TBC1D22B: variants seen among roughly 807,000 people sequenced by gnomAD.
TBC1D22B encodes the protein chromosome 6 open reading frame 197.
TBC1D22B carries 32 observed loss-of-function variants against 69.1 expected under a neutral mutation model. The observed-to-expected ratio is 0.46, with a 90% confidence interval of 0.35 to 0.62. TBC1D22B has a LOEUF of 0.62. TBC1D22B is among the 20% of genes least tolerant of loss of function. The pLI is 0.00. For missense variants in TBC1D22B, 462 were observed against 630.9 expected (o/e 0.73, Z 2.87); for synonymous variants, 206 against 229.8 (o/e 0.90, Z 0.94).
chr6:37,274,631 G>A (rs1766604715), intron 2 of TBC1D22B, among the ~76,000 whole-genome samples: 1 of 152,212 alleles, frequency 6.6e-6, no homozygotes, highest in African/African-American at 2.4e-5. Flanking sequence ...GATTTGTGAG[G>A]ATTGCATGAG....
rs955364348 is a variant in TBC1D22B at position 37,282,316 on chromosome 6, C to T, written c.553C>T (p.Arg185Cys). 6.2e-6 allele frequency: 10 copies of T among 1,613,314 alleles called. No individual in the cohort carries two copies. The highest frequency in any genetic ancestry group is 2.2e-5 in the East Asian group (1 of 44,876). The change falls in exon 4 of 13, where the codon CGC becomes TGC. Residue 185 changes from arginine (R) to cysteine (C), a missense_variant. This residue lies in a region of TBC1D22B where 237 missense variants were observed against 255.4 expected (regional missense o/e 0.93). Coordinates refer to ENST00000373491, the MANE Select transcript of TBC1D22B (RefSeq NM_017772.4). ...CCCAATGACTGTCCGGGAGAAAACC[C>T]GCCTAGAAAAATTCCGTCAACTTCT... ...APPMTVREKT[R>C]LEKFRQLLSS...
chr6:37,272,757 A>G (rs926673588), intron 2 of TBC1D22B, among the ~76,000 whole-genome samples: 7 of 152,174 alleles, frequency 4.6e-5, no homozygotes, highest in African/African-American at 1.4e-4. Context: ...AATGAATTCT[A>G]CTATTCTTTG....
chr6:37,329,136 A>C (rs768501491), intron 12 of TBC1D22B, among the ~76,000 whole-genome samples: 2 of 152,238 alleles, frequency 1.3e-5, no homozygotes, highest in Non-Finnish European at 2.9e-5. Context: ...TCCCTCCCAA[A>C]GGGTAACCAC....
intron 3 of TBC1D22B, among the ~76,000 whole-genome samples, chr6:37,281,507 C>T (rs752306100): frequency 5.3e-5 from 8 of 152,196 alleles, no homozygotes; most frequent in African/African-American, 9.7e-5. Flanking sequence ...ACAAAGGAAC[C>T]GCAGCCACCA....
intron 8 of TBC1D22B, among the ~76,000 whole-genome samples, chr6:37,312,571 C>G (rs1169861683): frequency 6.6e-6 from 1 of 152,174 alleles, no homozygotes; most frequent in Non-Finnish European, 1.5e-5. Context: ...TCCAGGCCAT[C>G]TTCAGGGATC....
Position 37,316,734 on chromosome 6 carries a change from G to A in TBC1D22B, c.1197G>A (p.Glu399=), listed in dbSNP as rs1304698056. 1.9e-6 allele frequency: 3 copies of A among 1,614,076 alleles called. No individual in the cohort carries two copies. Among genetic ancestry groups the A allele is most frequent in the African/African-American group, 2.7e-5 (2 of 74,928 alleles). The change falls in exon 11 of 13, where the codon GAG becomes GAA. Residue 399 remains glutamate, a synonymous_variant. Transcript: ENST00000373491. ...TACATAATCACTTCAGGAGGTACGAGGTAGAATACCTGCAGTTTGCCTTCC... is the reference window on the plus strand; with the variant it reads ...TACATAATCACTTCAGGAGGTACGAAGTAGAATACCTGCAGTTTGCCTTCC... ...EQVHNHFRRY[E]VEYLQFAFRW... is the part of the protein sequence containing the mutation.
At chr6:37,326,680 C>T (rs1201956290) in intron 12 of TBC1D22B, among the ~76,000 whole-genome samples, 1 of 151,952 alleles carries the variant, frequency 6.6e-6, no homozygotes, top group East Asian at 1.9e-4. Flanking sequence ...CCCAGCTACT[C>T]AGGAGGCTGA....
intron 12 of TBC1D22B, 54 bp from the exon 13 acceptor site, chr6:37,330,990 T>G: frequency 6.2e-7 from 1 of 1,604,740 alleles, no homozygotes; most frequent in Non-Finnish European, 8.5e-7. Context: ...ATGGGTTCAC[T>G]TGTCTGATGG....
intron 2 of TBC1D22B, among the ~76,000 whole-genome samples, chr6:37,277,567 G>A (rs1766704804): frequency 2.0e-5 from 3 of 148,194 alleles, no homozygotes; most frequent in Admixed American, 6.9e-5. Flanking sequence ...CCAGGTTTAA[G>A]CAATTCTCCT....
At chr6:37,287,639 C>T (rs2113747796) in intron 7 of TBC1D22B, among the ~76,000 whole-genome samples, 1 of 152,374 alleles carries the variant, frequency 6.6e-6, no homozygotes, top group Middle Eastern at 3.4e-3. Flanking sequence ...ATTTGTCCTT[C>T]TGTGACTGGC....
At chr6:37,316,141 A>G (rs1768069942) in intron 10 of TBC1D22B, among the ~76,000 whole-genome samples, 1 of 152,218 alleles carries the variant, frequency 6.6e-6, no homozygotes, top group Non-Finnish European at 1.5e-5. Flanking sequence ...CGAACACCAA[A>G]GGGTGGGAGT....
rs1400730735 is a variant in TBC1D22B, at chr6:37,282,215, A to C, written c.452A>C (p.Lys151Thr). The C allele has an allele frequency of 1.2e-6, 2 of 1,614,034 alleles. No individual in the cohort carries two copies. Among genetic ancestry groups the C allele is most frequent in the African/African-American group, 2.7e-5 (2 of 74,916 alleles). ...SDTCLRNPLHKQQSLPLRPII... is the reference protein window; with the variant it reads ...SDTCLRNPLHTQQSLPLRPII... ...ACATGCCTGAGGAACCCACTCCACA[A>C]ACAGCAATCACTCCCTCTCCGGCCC... Residue 151 changes from lysine to threonine, a missense_variant, in exon 4 of 13, where the codon AAA becomes ACA. Coordinates refer to ENST00000373491, the MANE Select transcript of TBC1D22B (RefSeq NM_017772.4).
rs1767092488 is a variant in TBC1D22B, at chr6:37,288,880, TA to T, written c.867+1811del. On this transcript the variant is annotated intron_variant, in intron 7 of 12. Coordinates refer to ENST00000373491, the MANE Select transcript of TBC1D22B (RefSeq NM_017772.4). ...CATCTAGCAGGCTACAGTCATCTTT[TA>T]AATTTTTTTTATTTTAACTTTTTAA... Among the ~76,000 whole-genome samples the T allele has an allele frequency of 6.6e-5, 10 of 152,202 alleles. No homozygotes were observed. The South Asian group carries it at 2.1e-3, about 32-fold the overall frequency.
At chr6:37,319,231 G>A (rs1211542780) in intron 12 of TBC1D22B, among the ~76,000 whole-genome samples, 2 of 152,226 alleles carry the variant, frequency 1.3e-5, no homozygotes, top group Non-Finnish European at 2.9e-5. Flanking sequence ...CATGGCTTCT[G>A]CCAGTGAGCA....
At chr6:37,282,093 A>G (rs1766851231) in intron 3 of TBC1D22B, 92 bp from the exon 4 acceptor site, 4 of 1,435,572 alleles carry the variant, frequency 2.8e-6, no homozygotes, top group Non-Finnish European at 2.9e-6. Context: ...ACCCTTGGGG[A>G]GGAAACACAA....
Position 37,286,973 on chromosome 6 carries a change from A to G in TBC1D22B, c.802-34A>G, listed in dbSNP as rs923408250. ...AAAACAAAAACAAAAAAAAACTGGC[A>G]TTTGTGTTTTTGGACATGCCTTCTC... On this transcript the variant is annotated intron_variant, in intron 6 of 12. Transcript: ENST00000373491. 4.4e-6 allele frequency: 7 copies of G among 1,579,848 alleles called. No homozygotes were observed. The Admixed American group carries it at 5.7e-5, about 13-fold the overall frequency.
chr6:37,296,919 C>T (rs530207878), intron 8 of TBC1D22B, among the ~76,000 whole-genome samples: 54 of 152,000 alleles, frequency 3.6e-4, no homozygotes, highest in Admixed American at 6.6e-4. Flanking sequence ...CTCCATCTCC[C>T]GGGCTCAAGC....
intron 12 of TBC1D22B, among the ~76,000 whole-genome samples, chr6:37,325,115 G>A (rs1218682068): frequency 6.6e-6 from 1 of 151,992 alleles, no homozygotes; most frequent in African/African-American, 2.4e-5. Flanking sequence ...CCTTTTCAAA[G>A]TCTCTGCTTA....
At chr6:37,325,310 C>G (rs1768357960) in intron 12 of TBC1D22B, among the ~76,000 whole-genome samples, 1 of 152,014 alleles carries the variant, frequency 6.6e-6, no homozygotes, top group African/African-American at 2.4e-5. Flanking sequence ...TGTTTGCTCC[C>G]TTTCTATTAA....
Sources: gnomAD v4.1 joint callset for allele counts (sites outside exome capture counted in the v4.1 genomes callset) on GRCh38, gnomAD v4.1.1 for gene constraint, gnomAD v4.1.1 regional missense constraint, MANE v1.5 for transcripts, NCBI Gene and HGNC (gene_info 2026-07-23, HGNC 2026-07-21) for gene names.